Variants in SPACA7 observed in about 807,000 individuals in gnomAD.
SPACA7 encodes sperm acrosome-associated protein 7.
Under a neutral mutation model 26.3 loss-of-function variants are expected in SPACA7, and 19 were observed. That is an observed-to-expected ratio of 0.72 (90% CI 0.50 to 1.06). SPACA7 has a LOEUF of 1.06. Ranked by LOEUF, SPACA7 falls within the 50% of genes least tolerant of loss-of-function variation. The pLI is 0.00. For missense variants in SPACA7, 211 were observed against 229.9 expected (o/e 0.92, Z 0.53); for synonymous variants, 84 against 84.5 (o/e 0.99, Z 0.04).
chr13:112,390,929 T>A (rs1884847938), intron 1 of SPACA7, among the ~76,000 whole-genome samples: 1 of 152,226 alleles, frequency 6.6e-6, no homozygotes, highest in African/African-American at 2.4e-5. Context: ...CTACATGGAC[T>A]GGCCAGAGCC....
intron 5 of SPACA7, among the ~76,000 whole-genome samples, chr13:112,410,488 C>T (rs1886280229): frequency 6.6e-6 from 1 of 151,822 alleles, no homozygotes; most frequent in South Asian, 2.1e-4. Flanking sequence ...TTGCAAATTA[C>T]TTGGCCTTAA....
At chr13:112,430,083 G>A (rs1033761565) in intron 5 of SPACA7, among the ~76,000 whole-genome samples, 1 of 151,994 alleles carries the variant, frequency 6.6e-6, no homozygotes, top group African/African-American at 2.4e-5. Flanking sequence ...TCAGTTGTGT[G>A]GTCCTTTTTC....
chr13:112,416,289 T>TTGTTGTTGTTG (rs34676220), intron 5 of SPACA7, among the ~76,000 whole-genome samples: 12,591 of 99,800 alleles, frequency 0.13, 708 homozygotes, highest in South Asian at 0.25. Context: ...GTTGTTGTTG[T>TTGTTGTTGTTG]TTGTTGTTGT....
intron 1 of SPACA7, among the ~76,000 whole-genome samples, chr13:112,385,454 T>G (rs1354048858): frequency 6.6e-6 from 1 of 152,220 alleles, no homozygotes; most frequent in Non-Finnish European, 1.5e-5. Context: ...ATTTTAATTA[T>G]GTACTAGGGG....
At chr13:112,420,650 G>A (rs1875860117) in intron 5 of SPACA7, among the ~76,000 whole-genome samples, 1 of 152,070 alleles carries the variant, frequency 6.6e-6, no homozygotes, top group South Asian at 2.1e-4. Context: ...GAGCAATATA[G>A]AGGGAGAAAT....
chr13:112,392,113 G>A (rs546995718), intron 1 of SPACA7, among the ~76,000 whole-genome samples: 3 of 152,294 alleles, frequency 2.0e-5, no homozygotes, highest in South Asian at 2.1e-4. Flanking sequence ...GCCCAACCTC[G>A]GGGCTGGAGG....
chr13:112,390,132 T>TG (rs1256321578), intron 1 of SPACA7, among the ~76,000 whole-genome samples: 5 of 116,632 alleles, frequency 4.3e-5, no homozygotes, highest in African/African-American at 1.2e-4. Flanking sequence ...AAGGGTGTAA[T>TG]GGGGGTGGGG....
At chr13:112,386,203 G>T (rs535361510) in intron 1 of SPACA7, among the ~76,000 whole-genome samples, 1 of 152,210 alleles carries the variant, frequency 6.6e-6, no homozygotes, top group East Asian at 1.9e-4. Flanking sequence ...CAGTGGGGGT[G>T]GGGATGTTTC....
At chr13:112,376,913 T>TATGAC (rs1234923184) in intron 1 of SPACA7, among the ~76,000 whole-genome samples, 3 of 152,200 alleles carry the variant, frequency 2.0e-5, no homozygotes, top group African/African-American at 7.2e-5. Flanking sequence ...ATAAAAGCAT[T>TATGAC]ATCTACAATG....
intron 1 of SPACA7, among the ~76,000 whole-genome samples, chr13:112,389,920 CT>C (rs1197907091): frequency 6.6e-6 from 1 of 152,212 alleles, no homozygotes; most frequent in African/African-American, 2.4e-5. Flanking sequence ...TTCTTTTCCC[CT>C]GATATTATTT....
At chr13:112,394,004 C>T (rs35802213) in intron 2 of SPACA7, among the ~76,000 whole-genome samples, 34,443 of 149,468 alleles carry the variant, frequency 0.23, 4,207 homozygotes, top group South Asian at 0.41. Flanking sequence ...AAAAAAGACA[C>T]AGATGAAACT....
intron 1 of SPACA7, chr13:112,382,331 C>T (rs556189570): frequency 2.3e-6 from 3 of 1,284,434 alleles, no homozygotes; most frequent in African/African-American, 3.0e-5. Flanking sequence ...ATTTCTTGAC[C>T]TCATGGTCCG....
chr13:112,382,006 T>C (rs1190672244), intron 1 of SPACA7, among the ~76,000 whole-genome samples: 1 of 152,126 alleles, frequency 6.6e-6, no homozygotes, highest in Non-Finnish European at 1.5e-5. Flanking sequence ...ACAAAAGCAA[T>C]CTAGACCCCA....
At chr13:112,380,646 G>T (rs1369386169) in intron 1 of SPACA7, among the ~76,000 whole-genome samples, 1 of 151,794 alleles carries the variant, frequency 6.6e-6, no homozygotes, top group East Asian at 1.9e-4. Flanking sequence ...ATTTTGTCCG[G>T]TTTTTTCTCT....
chr13:112,400,100 GACAC>G lies in SPACA7; in HGVS notation c.349+931_349+934del, dbSNP rs1300666210. Reference sequence around the variant, plus strand: ...ACACAGAGCCAAACCATATCACTGGGACACACATGTAGGACATCTGTGGTGTTCC... The same window carrying G: ...ACACAGAGCCAAACCATATCACTGGGACATGTAGGACATCTGTGGTGTTCC... On this transcript the variant is annotated intron_variant, in intron 4 of 6. Coordinates refer to ENST00000283550, the MANE Select transcript of SPACA7 (RefSeq NM_145248.5). Among the ~76,000 whole-genome samples, 1,225 of 152,168 alleles carry G rather than the reference GACAC, an allele frequency of 8.1e-3. 15 individuals carry two copies. Among genetic ancestry groups the G allele is most frequent in the African/African-American group, 0.028 (1,154 of 41,512 alleles).
intron 5 of SPACA7, among the ~76,000 whole-genome samples, chr13:112,403,199 A>G (rs1294524882): frequency 6.6e-6 from 1 of 152,128 alleles, no homozygotes; most frequent in African/African-American, 2.4e-5. Flanking sequence ...AATGGGGTCA[A>G]TTTAGCCATC....
At chr13:112,412,567 C>A (rs1219100582) in intron 5 of SPACA7, among the ~76,000 whole-genome samples, 1 of 152,046 alleles carries the variant, frequency 6.6e-6, no homozygotes, top group Non-Finnish European at 1.5e-5. Flanking sequence ...ATGTTTACTT[C>A]TAATGTTTTC....
intron 5 of SPACA7, among the ~76,000 whole-genome samples, chr13:112,406,999 G>C (rs1384931674): frequency 6.6e-6 from 1 of 152,114 alleles, no homozygotes; most frequent in Non-Finnish European, 1.5e-5. Context: ...TAAAAGAATA[G>C]AAATTATAAC....
At chr13:112,419,638 C>T (rs1454953264) in intron 5 of SPACA7, among the ~76,000 whole-genome samples, 1 of 152,238 alleles carries the variant, frequency 6.6e-6, no homozygotes, top group Non-Finnish European at 1.5e-5. Flanking sequence ...TTCACCATTA[C>T]TAACAGAGAG....
Sources: allele counts gnomAD v4.1 joint callset (sites outside exome capture counted in the v4.1 genomes callset), GRCh38; gene constraint gnomAD v4.1.1; transcripts MANE v1.5; gene names NCBI Gene and HGNC (gene_info 2026-07-23, HGNC 2026-07-21).